SDK1: variants seen among roughly 807,000 people sequenced by gnomAD.
The protein encoded by SDK1 is protein sidekick-1.
In SDK1, 157 loss-of-function variants were observed where a neutral mutation model predicts 245.5. That is an observed-to-expected ratio of 0.64 (90% confidence interval 0.56 to 0.73). The LOEUF is 0.73. Among genes scored for constraint, SDK1 ranks in the 30% least tolerant of loss-of-function variants. The pLI, the probability that SDK1 is intolerant of heterozygous loss-of-function variation, is 0.00. For missense variants in SDK1, 3,583 were observed against 3,002.3 expected (o/e 1.19, Z -4.52); for synonymous variants, 1,647 against 1,278.5 (o/e 1.29, Z -6.15).
chr7:4,247,821 G>A (rs766470030), intron 44 of SDK1, among the ~76,000 whole-genome samples: 3 of 152,118 alleles, frequency 2.0e-5, no homozygotes, highest in Non-Finnish European at 2.9e-5. Context: ...TCCAGCAGGC[G>A]GCTGTTGAAG....
chr7:3,761,817 A>C (rs1198294163), intron 4 of SDK1, among the ~76,000 whole-genome samples: 4 of 152,198 alleles, frequency 2.6e-5, no homozygotes, highest in Non-Finnish European at 5.9e-5. Flanking sequence ...AAATCATAAG[A>C]ATAATATGTA....
At chr7:4,135,371 C>A (rs1045892573) in intron 28 of SDK1, among the ~76,000 whole-genome samples, 1 of 152,136 alleles carries the variant, frequency 6.6e-6, no homozygotes, top group East Asian at 1.9e-4. Flanking sequence ...CACACTGCAC[C>A]CCAGACGCTC....
chr7:3,529,195 G>C (rs143333880), intron 1 of SDK1, among the ~76,000 whole-genome samples: 149 of 152,192 alleles, frequency 9.8e-4, no homozygotes, highest in African/African-American at 3.5e-3. Context: ...TGTATATATA[G>C]GTGATAATAT....
intron 1 of SDK1, among the ~76,000 whole-genome samples, chr7:3,389,720 G>A (rs73296345): frequency 2.7e-5 from 4 of 150,684 alleles, no homozygotes; most frequent in South Asian, 4.3e-4. Context: ...AGCTGTGATC[G>A]TGCCACTGCA....
chr7:4,221,164 TGTGAAATCTCACGGGGTGG>T, intron 39 of SDK1, 56 bp from the exon 40 acceptor site: 2 of 1,568,958 alleles, frequency 1.3e-6, no homozygotes, highest in South Asian at 1.1e-5. Context: ...GACCCCCCAC[TGTGAAATCTCACGGGGTGG>T]GATGTGAGCC....
At chr7:3,550,867 A>G (rs1321747492) in intron 1 of SDK1, among the ~76,000 whole-genome samples, 1 of 152,124 alleles carries the variant, frequency 6.6e-6, no homozygotes. Context: ...AGGGTTTTGT[A>G]ATTTTTAGCA....
intron 25 of SDK1, among the ~76,000 whole-genome samples, chr7:4,124,471 C>T (rs555111462): frequency 2.0e-5 from 3 of 152,278 alleles, no homozygotes; most frequent in African/African-American, 7.2e-5. Flanking sequence ...TGTTGTGTGT[C>T]TGTGGACAAA....
At chr7:3,967,229 T>C in intron 9 of SDK1, 89 bp from the exon 10 acceptor site, 1 of 978,192 alleles carries the variant, frequency 1.0e-6, no homozygotes, top group East Asian at 2.4e-5. Flanking sequence ...TGTGATTGGC[T>C]CTCTAAAGCC....
At chr7:4,067,283 T>C (rs1349386218) in intron 19 of SDK1, among the ~76,000 whole-genome samples, 1 of 152,192 alleles carries the variant, frequency 6.6e-6, no homozygotes, top group Non-Finnish European at 1.5e-5. Flanking sequence ...CAGAAGCTCC[T>C]GGGAAAGGAA....
chr7:4,160,877 C>G (rs1376645052), intron 31 of SDK1, among the ~76,000 whole-genome samples: 1 of 152,164 alleles, frequency 6.6e-6, no homozygotes, highest in Non-Finnish European at 1.5e-5. Context: ...GGGTGTCTGG[C>G]AGGTCCAGAG....
intron 17 of SDK1, among the ~76,000 whole-genome samples, chr7:4,040,171 G>A (rs915725914): frequency 1.3e-5 from 2 of 152,172 alleles, no homozygotes; most frequent in African/African-American, 4.8e-5. Flanking sequence ...GTAATGAGGC[G>A]TGTTCTGATT....
At chr7:3,848,336 G>A (rs539316629) in intron 5 of SDK1, among the ~76,000 whole-genome samples, 3 of 152,228 alleles carry the variant, frequency 2.0e-5, no homozygotes, top group African/African-American at 4.8e-5. Flanking sequence ...ATCCCTTATC[G>A]GAACTCTCCA....
chr7:4,175,746 C>T, intron 33 of SDK1, 29 bp from the exon 34 acceptor site: 1 of 1,604,984 alleles, frequency 6.2e-7, no homozygotes, highest in Non-Finnish European at 8.5e-7. Flanking sequence ...TGCGTGCTAA[C>T]CACCTTTCTG....
chr7:3,475,868 T>C lies in SDK1; in HGVS notation c.299-143212T>C, dbSNP rs564288955. On this transcript the variant is annotated intron_variant, in intron 1 of 44. Transcript: ENST00000404826. ...CTCTGTGGCATCATGTGGTACTTCT[T>C]ATTCATTGCGACATGGGATTCCTGC... Among the ~76,000 whole-genome samples, 410 of 152,348 alleles carry C rather than the reference T, an allele frequency of 2.7e-3. 1 individual carries two copies. Among genetic ancestry groups the C allele is most frequent in the Middle Eastern group, 6.8e-3 (2 of 294 alleles).
intron 10 of SDK1, among the ~76,000 whole-genome samples, chr7:3,968,884 G>A (rs577577710): frequency 6.6e-6 from 1 of 152,218 alleles, no homozygotes; most frequent in Non-Finnish European, 1.5e-5. Context: ...AAAGAAAAGA[G>A]GTTGAATTGA....
At chr7:3,456,812 C>T (rs889348178) in intron 1 of SDK1, among the ~76,000 whole-genome samples, 2 of 152,152 alleles carry the variant, frequency 1.3e-5, no homozygotes, top group Admixed American at 1.3e-4. Flanking sequence ...TGTTAGGAGA[C>T]TCTTGGTCCT....
At chr7:4,109,801 T>A (rs569716004) in intron 22 of SDK1, among the ~76,000 whole-genome samples, 1 of 152,252 alleles carries the variant, frequency 6.6e-6, no homozygotes, top group East Asian at 1.9e-4. Context: ...GCACTCGGGT[T>A]TCTTAAGAGC....
intron 38 of SDK1, among the ~76,000 whole-genome samples, chr7:4,214,029 C>T (rs533928587): frequency 1.3e-5 from 2 of 152,306 alleles, no homozygotes; most frequent in African/African-American, 4.8e-5. Context: ...ATCCTCAGAA[C>T]GGCTCTACCT....
At position 3,359,585 on chromosome 7, in the gene SDK1, G is replaced by C. The variant is rs75303172; in HGVS notation, c.298+57701G>C. Among the ~76,000 whole-genome samples, 70 of 152,138 alleles carry C rather than the reference G, an allele frequency of 4.6e-4. 1 individual carries two copies. The East Asian group carries it at 0.011, about 24-fold the overall frequency. On this transcript the variant is annotated intron_variant, in intron 1 of 44. Coordinates refer to ENST00000404826, the MANE Select transcript of SDK1 (RefSeq NM_152744.4). Reference sequence around the variant, plus strand: ...GGGATGCATTCAGATAAACATTTTGGATACCTCCTCTAAAGTGTCTGTCCA... The same window carrying C: ...GGGATGCATTCAGATAAACATTTTGCATACCTCCTCTAAAGTGTCTGTCCA...
Sources: gnomAD v4.1 joint callset for allele counts (sites outside exome capture counted in the v4.1 genomes callset) on GRCh38, gnomAD v4.1.1 for gene constraint, MANE v1.5 for transcripts, NCBI Gene and HGNC (gene_info 2026-07-23, HGNC 2026-07-21) for gene names.